NAALADL2: variants seen among roughly 807,000 people sequenced by gnomAD.
NAALADL2 encodes the protein N-acetylated alpha-linked acidic dipeptidase like 2.
NAALADL2 carries 76 observed loss-of-function variants against 87.2 expected under a neutral mutation model. The ratio of observed to expected loss-of-function variants is 0.87; its 90% CI spans 0.72 to 1.05. The LOEUF is 1.05. Among genes scored for constraint, NAALADL2 ranks in the 50% least tolerant of loss-of-function variants. NAALADL2 has a pLI of 0.00. For missense variants in NAALADL2, 1,089 were observed against 945.8 expected (o/e 1.15, Z -1.99); for synonymous variants, 354 against 331.0 (o/e 1.07, Z -0.75).
At chr3:175,356,025 A>G (rs1764318491) in intron 5 of NAALADL2, among the ~76,000 whole-genome samples, 1 of 152,170 alleles carries the variant, frequency 6.6e-6, no homozygotes. Context: ...TGAAAACTCC[A>G]TATCTTGGAT....
intron 1 of NAALADL2, among the ~76,000 whole-genome samples, chr3:175,055,685 A>G (rs1321509137): frequency 6.6e-6 from 1 of 152,150 alleles, no homozygotes; most frequent in East Asian, 1.9e-4. Flanking sequence ...TACATTTTGG[A>G]CATATTTCAG....
chr3:175,609,096 T>C (rs9846695), intron 10 of NAALADL2, among the ~76,000 whole-genome samples: 28,798 of 151,730 alleles, frequency 0.19, 3,111 homozygotes, highest in African/African-American at 0.28. Context: ...TGCAGGATCA[T>C]GAAATAGAAT....
At chr3:175,556,002 T>C (rs576405755) in intron 9 of NAALADL2, among the ~76,000 whole-genome samples, 1 of 152,294 alleles carries the variant, frequency 6.6e-6, no homozygotes, top group African/African-American at 2.4e-5. Context: ...TTTTGAAGGA[T>C]TGTTGTACTG....
chr3:175,742,580 G>A (rs934624746), intron 12 of NAALADL2, among the ~76,000 whole-genome samples: 6 of 151,920 alleles, frequency 3.9e-5, no homozygotes, highest in African/African-American at 1.5e-4. Flanking sequence ...TGTATTTTTA[G>A]TAGAGACGGG....
At chr3:174,455,151 A>G (rs1715750918) in intron 1 of NAALADL2, among the ~76,000 whole-genome samples, 1 of 152,198 alleles carries the variant, frequency 6.6e-6, no homozygotes, top group African/African-American at 2.4e-5. Flanking sequence ...AAATTCCTGG[A>G]TATACACACC....
chr3:175,651,520 C>A (rs1436150734), intron 11 of NAALADL2, among the ~76,000 whole-genome samples: 1 of 152,026 alleles, frequency 6.6e-6, no homozygotes, highest in Non-Finnish European at 1.5e-5. Context: ...CAGCTTATTC[C>A]TATTATTTAA....
intron 11 of NAALADL2, among the ~76,000 whole-genome samples, chr3:175,670,076 C>T (rs868789742): frequency 1.1e-4 from 17 of 151,994 alleles, no homozygotes; most frequent in South Asian, 6.2e-4. Context: ...TTACTATTCA[C>T]GATAACTTTA....
chr3:175,605,378 T>A lies in NAALADL2; in HGVS notation c.1801-21913T>A, dbSNP rs544967806. On this transcript the variant is annotated intron_variant, in intron 10 of 13. Transcript: ENST00000454872. Reference sequence around the variant, plus strand: ...ATGGATGGGAAAGATTTTATTCCCATTAAAAAAAAGATATTGCAGTGCATC... The same window carrying A: ...ATGGATGGGAAAGATTTTATTCCCAATAAAAAAAAGATATTGCAGTGCATC... Among the ~76,000 whole-genome samples the A allele has an allele frequency of 6.0e-5, 4 of 66,192 alleles. No homozygotes were observed. In the South Asian group the frequency reaches 2.1e-3, roughly 35 times the overall value. 43.4% of individuals were successfully genotyped at this position (66,192 alleles called of 152,430 possible).
intron 1 of NAALADL2, among the ~76,000 whole-genome samples, chr3:175,041,411 A>G (rs1461606959): frequency 6.6e-6 from 1 of 152,122 alleles, no homozygotes; most frequent in Non-Finnish European, 1.5e-5. Flanking sequence ...ATCTTCTTTA[A>G]ACAGTTTCTA....
Position 175,243,452 on chromosome 3 carries a change from A to G in NAALADL2, c.819+9248A>G, listed in dbSNP as rs528270087. ...TCTCTCCCACAGTTCCTCAGGAAAC[A>G]GTGCCCTGTTGGTCATTTGAAATAA... On this transcript the variant is annotated intron_variant, in intron 3 of 13. Transcript: ENST00000454872. Among the ~76,000 whole-genome samples, 21 of 151,320 alleles carry G rather than the reference A, an allele frequency of 1.4e-4. No individual in the cohort carries two copies. The South Asian group carries it at 4.2e-3, about 30-fold the overall frequency.
At chr3:175,240,063 T>C (rs1746568865) in intron 3 of NAALADL2, among the ~76,000 whole-genome samples, 1 of 152,162 alleles carries the variant, frequency 6.6e-6, no homozygotes, top group Non-Finnish European at 1.5e-5. Flanking sequence ...TCTTTCTGTC[T>C]TCTCTTTAAC....
rs1041265682 is a variant in NAALADL2, at chr3:174,670,822, A to T, written c.-114-66819A>T. On this transcript the variant is annotated intron_variant, in intron 2 of 3. Coordinates refer to the NAALADL2 transcript ENST00000434257. The stretch of plus-strand genomic sequence containing the variant: ...TGGTTTGAATCTGTGTCCCTGCCCA[A>T]ATCTCATGTTGAAATGTAATTCTCA... 2.0e-5 allele frequency among the ~76,000 whole-genome samples: 3 copies of T among 152,168 alleles called. No homozygotes were observed. The East Asian group carries it at 5.8e-4, about 29-fold the overall frequency.
At chr3:174,698,430 G>A (rs927543877) in intron 2 of NAALADL2, among the ~76,000 whole-genome samples, 3 of 152,092 alleles carry the variant, frequency 2.0e-5, no homozygotes, top group African/African-American at 7.2e-5. Flanking sequence ...ACTCTTTTCT[G>A]GCTTTCATAG....
intron 13 of NAALADL2, 41 bp from the exon 14 acceptor site, chr3:175,802,964 A>G (rs370584936): frequency 7.7e-5 from 100 of 1,301,946 alleles, no homozygotes; most frequent in Non-Finnish European, 1.0e-4. Context: ...GAAAAATAGC[A>G]TTGTGCATGA....
rs183003825 is a variant in NAALADL2 at position 174,699,214 on chromosome 3, T to A, written c.-114-38427T>A. Among the ~76,000 whole-genome samples the A allele has an allele frequency of 5.0e-3, 761 of 152,142 alleles. 22 individuals carry two copies. The highest frequency in any genetic ancestry group is 9.4e-4 in the Non-Finnish European group (64 of 67,980). ...CTTAATTTAGTTAAATCTAAGGTGGTGGGCCGGGCACAGTGGCTCATGCCT... is the reference window on the plus strand; with the variant it reads ...CTTAATTTAGTTAAATCTAAGGTGGAGGGCCGGGCACAGTGGCTCATGCCT... On this transcript the variant is annotated intron_variant, in intron 2 of 3. Transcript: ENST00000434257.
At chr3:175,360,319 GA>G (rs1206934430) in intron 5 of NAALADL2, among the ~76,000 whole-genome samples, 15 of 152,216 alleles carry the variant, frequency 9.9e-5, no homozygotes, top group Admixed American at 6.6e-4. Flanking sequence ...CAAACTTACT[GA>G]AAAATCTCTA....
At chr3:174,847,482 C>T (rs1724759744) in intron 3 of NAALADL2, among the ~76,000 whole-genome samples, 1 of 152,134 alleles carries the variant, frequency 6.6e-6, no homozygotes, top group Non-Finnish European at 1.5e-5. Context: ...AAAAAATAGG[C>T]TAAACTCAGA....
chr3:175,784,303 A>G (rs368299971), intron 13 of NAALADL2, among the ~76,000 whole-genome samples: 2 of 151,980 alleles, frequency 1.3e-5, no homozygotes, highest in Non-Finnish European at 2.9e-5. Flanking sequence ...TGTACCTCTG[A>G]TAGAATTCGG....
At chr3:174,888,262 A>G (rs1730441551) in intron 1 of NAALADL2, among the ~76,000 whole-genome samples, 1 of 152,206 alleles carries the variant, frequency 6.6e-6, no homozygotes, top group South Asian at 2.1e-4. Context: ...GCCATACAAC[A>G]GAGGGTTTTG....
Sources: allele counts gnomAD v4.1 joint callset (sites outside exome capture counted in the v4.1 genomes callset), GRCh38; gene constraint gnomAD v4.1.1; transcripts MANE v1.5; gene names NCBI Gene and HGNC (gene_info 2026-07-23, HGNC 2026-07-21).